MYPN: variants seen among roughly 807,000 people sequenced by gnomAD.
The protein encoded by MYPN is sarcomeric protein myopalladin, 145 kDa (MYOP).
In MYPN, 63 loss-of-function variants were observed where a neutral mutation model predicts 129.4. The ratio of observed to expected loss-of-function variants is 0.49; its 90% CI spans 0.40 to 0.60. The LOEUF is 0.60. Among genes scored for constraint, MYPN ranks in the 20% least tolerant of loss-of-function variants. The pLI, the probability that MYPN is intolerant of heterozygous loss-of-function variation, is 0.00. For synonymous variants in MYPN, 629 were observed against 600.9 expected (o/e 1.05, Z -0.68); for missense variants, 1,596 against 1,635.4 (o/e 0.98, Z 0.42).
intron 3 of MYPN, 48 bp from the exon 4 acceptor site, chr10:68,145,427 A>AAT (rs1349812421): frequency 6.7e-7 from 1 of 1,492,274 alleles, no homozygotes; most frequent in Non-Finnish European, 9.3e-7. Context: ...GAACCAATTT[A>AAT]AGAAATTGTC....
chr10:68,136,774 T>G, intron 2 of MYPN: 1 of 1,506,198 alleles, frequency 6.6e-7, no homozygotes, highest in South Asian at 1.2e-5. Context: ...GATAATCCTA[T>G]AATGTTTGTA....
At chr10:68,154,042 C>T (rs1422971195) in intron 6 of MYPN, among the ~76,000 whole-genome samples, 1 of 151,984 alleles carries the variant, frequency 6.6e-6, no homozygotes, top group African/African-American at 2.4e-5. Flanking sequence ...GGAGAGTAGC[C>T]CAGCAAAACA....
chr10:68,180,332 C>T lies in MYPN; in HGVS notation c.2703+4871C>T, dbSNP rs77750208. Among the ~76,000 whole-genome samples, 100 of 152,280 alleles carry T rather than the reference C, an allele frequency of 6.6e-4. 2 individuals are homozygous for T. The East Asian group carries it at 0.017, about 25-fold the overall frequency. ...CTCCAAGTAGATGGGACTACAGGCA[C>T]GTGCCACTACTCGTGGCTAATTTTT... On this transcript the variant is annotated intron_variant, in intron 12 of 19. Transcript: ENST00000358913.
chr10:68,135,446 C>T (rs1327191700), intron 2 of MYPN: 1 of 972,178 alleles, frequency 1.0e-6, no homozygotes, highest in South Asian at 4.8e-5. Flanking sequence ...TCTTATTGTC[C>T]GATATATTCC....
At chr10:68,206,623 T>C (rs2043819788) in intron 18 of MYPN, 147 bp from the exon 19 acceptor site, 4 of 1,085,724 alleles carry the variant, frequency 3.7e-6, no homozygotes, top group South Asian at 1.3e-5. Context: ...TTAAGCTCAC[T>C]GCTGCTCTTC....
intron 2 of MYPN, chr10:68,135,490 G>A (rs1442670684): frequency 2.8e-5 from 28 of 984,844 alleles, no homozygotes; most frequent in Non-Finnish European, 3.4e-5. Context: ...GAGTTACTCT[G>A]ATGCTTGGAG....
intron 6 of MYPN, among the ~76,000 whole-genome samples, chr10:68,150,470 G>A (rs960335753): frequency 2.0e-5 from 3 of 152,120 alleles, no homozygotes; most frequent in Non-Finnish European, 4.4e-5. Context: ...TGGCTTAGGT[G>A]CTCAAGGAGA....
rs145336375 is a variant in MYPN, at chr10:68,183,281, C to T, written c.2704-5624C>T. On this transcript the variant is annotated intron_variant, in intron 12 of 19. Coordinates refer to ENST00000358913, the MANE Select transcript of MYPN (RefSeq NM_032578.4). ...TTCAAGACCAGCCTGGACAACATGG[C>T]GAAACCCCATCTACAAAAAATACAA... 2.2e-3 allele frequency among the ~76,000 whole-genome samples: 329 copies of T among 151,884 alleles called. 3 individuals are homozygous for T. The highest frequency in any genetic ancestry group is 7.4e-3 in the African/African-American group (307 of 41,434).
chr10:68,109,360 T>G (rs536469408), upstream of MYPN: 23 of 339,888 alleles, frequency 6.8e-5, no homozygotes, highest in African/African-American at 4.5e-4. Context: ...GTAAAAGAAC[T>G]GATTGACCCC....
At chr10:68,205,285 G>T (rs1050436282) in intron 18 of MYPN, among the ~76,000 whole-genome samples, 2 of 151,904 alleles carry the variant, frequency 1.3e-5, no homozygotes, top group African/African-American at 4.8e-5. Context: ...TCTTTCCCAC[G>T]ACATTACTCT....
intron 7 of MYPN, among the ~76,000 whole-genome samples, chr10:68,161,357 A>G (rs2042971511): frequency 6.6e-6 from 1 of 152,076 alleles, no homozygotes; most frequent in South Asian, 2.1e-4. Context: ...TTAGCCAGGC[A>G]TGGTGGCACA....
intron 12 of MYPN, among the ~76,000 whole-genome samples, chr10:68,177,257 T>G (rs2043241677): frequency 6.6e-6 from 1 of 152,174 alleles, no homozygotes; most frequent in African/African-American, 2.4e-5. Context: ...TGAATTAACT[T>G]CTGGACTAAT....
At position 68,201,943 on chromosome 10, in the gene MYPN, T is replaced by C; in HGVS notation, c.3608T>C (p.Phe1203Ser). 1 of 1,614,054 alleles carries C rather than the reference T, an allele frequency of 6.2e-7. No individual in the cohort carries two copies. Among genetic ancestry groups the C allele is most frequent in the Non-Finnish European group, 8.5e-7 (1 of 1,180,004 alleles). ...CRVIGMPPPV[F>S]YWKKDNETIP... ...GTGATAGGCATGCCCCCACCTGTGTTCTACTGGAAGAAAGACAATGAGACC... is the reference window on the plus strand; with the variant it reads ...GTGATAGGCATGCCCCCACCTGTGTCCTACTGGAAGAAAGACAATGAGACC... Residue 1203 changes from phenylalanine (F) to serine (S), a missense_variant, in exon 18 of 20, where the codon TTC becomes TCC. Phe to Ser is a radical substitution (Grantham distance 155). Coordinates refer to ENST00000358913, the MANE Select transcript of MYPN (RefSeq NM_032578.4).
intron 6 of MYPN, among the ~76,000 whole-genome samples, chr10:68,157,424 A>G (rs1222330385): frequency 6.6e-6 from 1 of 152,168 alleles, no homozygotes; most frequent in Non-Finnish European, 1.5e-5. Flanking sequence ...GAGCAGCCAC[A>G]TTCTTTTGTG....
intron 10 of MYPN, among the ~76,000 whole-genome samples, chr10:68,173,857 G>A (rs952255026): frequency 5.3e-5 from 8 of 149,966 alleles, no homozygotes; most frequent in African/African-American, 1.5e-4. Context: ...GTTAGAGACG[G>A]GGTTTCACCA....
chr10:68,137,493 A>G (rs1030101770), intron 2 of MYPN, among the ~76,000 whole-genome samples: 2 of 152,202 alleles, frequency 1.3e-5, no homozygotes, highest in Non-Finnish European at 2.9e-5. Context: ...GCTCTGCTAT[A>G]CTGAAACCTA....
At chr10:68,170,159 G>A (rs1014174577) in intron 10 of MYPN, among the ~76,000 whole-genome samples, 2 of 152,158 alleles carry the variant, frequency 1.3e-5, no homozygotes, top group Non-Finnish European at 2.9e-5. Context: ...AGTTGCAAAG[G>A]AGGCTGGAAG....
intron 1 of MYPN, among the ~76,000 whole-genome samples, chr10:68,119,001 AT>A (rs1341268410): frequency 6.6e-6 from 1 of 152,152 alleles, no homozygotes; most frequent in Non-Finnish European, 1.5e-5. Flanking sequence ...AAGGCACTTA[AT>A]TTCCCCCCCA....
intron 1 of MYPN, among the ~76,000 whole-genome samples, chr10:68,089,146 C>G (rs1279432925): frequency 6.6e-6 from 1 of 152,232 alleles, no homozygotes; most frequent in South Asian, 2.1e-4. Context: ...ATTCTCATGC[C>G]TCAGCATCCC....
Sources: allele counts gnomAD v4.1 joint callset (sites outside exome capture counted in the v4.1 genomes callset), GRCh38; gene constraint gnomAD v4.1.1; transcripts MANE v1.5; gene names NCBI Gene and HGNC (gene_info 2026-07-23, HGNC 2026-07-21).